The following RPSA2 variants were observed in gnomAD, a reference collection of about 807,000 sequenced individuals.
RPSA2 encodes ribosomal protein SA 2.
At chr19:23,789,023 C>CTTTTTTTT in the RPSA2 span, among the ~76,000 whole-genome samples, 8 of 129,418 alleles carry the variant, frequency 6.2e-5, no homozygotes, top group East Asian at 4.7e-4. Flanking sequence ...TTCTTTCTTT[C>CTTTTTTTT]TTTTTTTTTT....
the RPSA2 span, among the ~76,000 whole-genome samples, chr19:23,761,022 TATATACACATATATATAGG>T: frequency 8.8e-6 from 1 of 113,370 alleles, no homozygotes; most frequent in African/African-American, 3.3e-5. Flanking sequence ...TGTGTATATA[TATATACACATATATATAGG>T]GTATATATGT....
chr19:23,844,564 T>G, the RPSA2 span, among the ~76,000 whole-genome samples: 2 of 152,190 alleles, frequency 1.3e-5, no homozygotes, highest in African/African-American at 4.8e-5. Flanking sequence ...TTGAGTTATT[T>G]GTAAATTCCA....
At chr19:23,815,202 A>G in the RPSA2 span, among the ~76,000 whole-genome samples, 1 of 152,198 alleles carries the variant, frequency 6.6e-6, no homozygotes, top group Non-Finnish European at 1.5e-5. Flanking sequence ...CCAGATGCAA[A>G]TAAGAATATT....
the RPSA2 span, among the ~76,000 whole-genome samples, chr19:23,763,894 G>T: frequency 6.6e-6 from 1 of 152,112 alleles, no homozygotes. Context: ...TAAAGCAAAG[G>T]GTTTTATAAA....
the RPSA2 span, among the ~76,000 whole-genome samples, chr19:23,859,627 CAA>C: frequency 6.0e-5 from 9 of 150,188 alleles, no homozygotes; most frequent in East Asian, 2.0e-4. Flanking sequence ...AGTTCCGTCT[CAA>C]AAAAAAAAAA....
the RPSA2 span, among the ~76,000 whole-genome samples, chr19:23,800,209 AT>A: frequency 1.6e-4 from 1 of 6,088 alleles, no homozygotes; most frequent in African/African-American, 2.1e-4. Flanking sequence ...ATTTTATTTT[AT>A]TTTTTTTTAT....
At chr19:23,849,993 G>A in the RPSA2 span, among the ~76,000 whole-genome samples, 558 of 152,158 alleles carry the variant, frequency 3.7e-3, 4 homozygotes, top group African/African-American at 0.011. Flanking sequence ...TAATCTCTCC[G>A]GAAGATAAGC....
At chr19:23,862,950 C>T in the RPSA2 span, among the ~76,000 whole-genome samples, 3 of 147,642 alleles carry the variant, frequency 2.0e-5, no homozygotes, top group Non-Finnish European at 1.5e-5. Flanking sequence ...TGTTGTCAGG[C>T]TGGAGTGCAA....
chr19:23,764,955 G>A, the RPSA2 span, among the ~76,000 whole-genome samples: 1 of 152,094 alleles, frequency 6.6e-6, no homozygotes, highest in South Asian at 2.1e-4. Flanking sequence ...TTTCAGAACT[G>A]TCTGGGGTAA....
At chr19:23,819,727 T>C in the RPSA2 span, among the ~76,000 whole-genome samples, 1 of 152,180 alleles carries the variant, frequency 6.6e-6, no homozygotes, top group Non-Finnish European at 1.5e-5. Flanking sequence ...CCCAGTTTGT[T>C]TGGTGGGGGT....
chr19:23,847,255 C>T, the RPSA2 span, among the ~76,000 whole-genome samples: 1 of 150,240 alleles, frequency 6.7e-6, no homozygotes, highest in Admixed American at 6.6e-5. Context: ...ACATTTCTTA[C>T]TCATACTCTA....
the RPSA2 span, among the ~76,000 whole-genome samples, chr19:23,760,013 G>T: frequency 6.6e-6 from 1 of 152,172 alleles, no homozygotes; most frequent in Non-Finnish European, 1.5e-5. Flanking sequence ...TACTTGTCAA[G>T]CACTGTGCTA....
the RPSA2 span, among the ~76,000 whole-genome samples, chr19:23,768,434 C>G: frequency 0.096 from 14,449 of 150,048 alleles, 830 homozygotes; most frequent in East Asian, 0.22. Context: ...ATTCTGTTGT[C>G]TAGATATCCA....
the RPSA2 span, among the ~76,000 whole-genome samples, chr19:23,812,911 A>G: frequency 6.6e-6 from 1 of 152,128 alleles, no homozygotes; most frequent in South Asian, 2.1e-4. Flanking sequence ...CATGTAATTT[A>G]GTTTCTTAAA....
chr19:23,768,814 C>A, the RPSA2 span, among the ~76,000 whole-genome samples: 4 of 150,918 alleles, frequency 2.7e-5, no homozygotes, highest in African/African-American at 9.7e-5. Flanking sequence ...TCTCAAACTC[C>A]TGACCTCAGC....
chr19:23,859,102 G>A, the RPSA2 span, among the ~76,000 whole-genome samples: 2 of 152,158 alleles, frequency 1.3e-5, no homozygotes, highest in South Asian at 2.1e-4. Flanking sequence ...ATGTATCTCA[G>A]GTATTTACCC....
At chr19:23,839,841 C>A in the RPSA2 span, among the ~76,000 whole-genome samples, 3 of 152,202 alleles carry the variant, frequency 2.0e-5, no homozygotes, top group African/African-American at 4.8e-5. Context: ...ACTTGACTCA[C>A]CTCCAGGTAG....
At chr19:23,849,074 C>T in the RPSA2 span, among the ~76,000 whole-genome samples, 2 of 152,318 alleles carry the variant, frequency 1.3e-5, no homozygotes, top group East Asian at 3.9e-4. Flanking sequence ...TTTCACTTTT[C>T]CTGGAGTCAA....
the RPSA2 span, among the ~76,000 whole-genome samples, chr19:23,841,727 ACT>A: frequency 1.5e-5 from 2 of 134,646 alleles, no homozygotes; most frequent in African/African-American, 5.4e-5. Flanking sequence ...TGAGCAGCTT[ACT>A]CTCTCTCCTC....
Sources: gnomAD v4.1 joint callset for allele counts (sites outside exome capture counted in the v4.1 genomes callset) on GRCh38, gnomAD v4.1.1 for gene constraint, MANE v1.5 for transcripts, NCBI Gene and HGNC (gene_info 2026-07-23, HGNC 2026-07-21) for gene names.